Variants in TENM2 observed in about 807,000 individuals in gnomAD.
The protein encoded by TENM2 is teneurin-2.
TENM2 carries 52 observed loss-of-function variants against 245.2 expected under a neutral mutation model. The ratio of observed to expected loss-of-function variants is 0.21; its 90% CI spans 0.17 to 0.27. The LOEUF (loss-of-function observed/expected upper bound fraction) is 0.27, where lower values mean the gene tolerates loss of function less well. Ranked by LOEUF, TENM2 falls within the 10% of genes least tolerant of loss-of-function variation. The pLI is 1.00. For synonymous variants in TENM2, 1,363 were observed against 1,438.9 expected (o/e 0.95, Z 1.19); for missense variants, 3,046 against 3,666.8 (o/e 0.83, Z 4.37).
At chr5:167,981,752 T>G (rs1479773423) in intron 4 of TENM2, among the ~76,000 whole-genome samples, 1 of 152,148 alleles carries the variant, frequency 6.6e-6, no homozygotes, top group Non-Finnish European at 1.5e-5. Flanking sequence ...GGACGGCAGA[T>G]CACCTGAGGT....
intron 2 of TENM2, among the ~76,000 whole-genome samples, chr5:167,751,319 G>T (rs1195588062): frequency 6.6e-6 from 1 of 152,160 alleles, no homozygotes; most frequent in Non-Finnish European, 1.5e-5. Context: ...CATTTTGCCT[G>T]CCATGTGAAT....
At chr5:168,007,268 A>C (rs1317192585) in intron 5 of TENM2, among the ~76,000 whole-genome samples, 1 of 152,050 alleles carries the variant, frequency 6.6e-6, no homozygotes, top group Non-Finnish European at 1.5e-5. Context: ...AGCTGGGATT[A>C]CAGGCGCCCG....
chr5:167,311,774 A>G (rs1756047456), intron 1 of TENM2, among the ~76,000 whole-genome samples: 1 of 152,250 alleles, frequency 6.6e-6, no homozygotes, highest in Non-Finnish European at 1.5e-5. Flanking sequence ...ATCTAAAATC[A>G]AAAATGCTTT....
At chr5:167,744,392 A>G (rs1761411757) in intron 2 of TENM2, among the ~76,000 whole-genome samples, 1 of 152,160 alleles carries the variant, frequency 6.6e-6, no homozygotes, top group Admixed American at 6.6e-5. Context: ...CCTGTTGTGA[A>G]AAGAATGAAG....
intron 2 of TENM2, among the ~76,000 whole-genome samples, chr5:167,647,078 G>A (rs1291883542): frequency 6.6e-6 from 1 of 152,144 alleles, no homozygotes; most frequent in African/African-American, 2.4e-5. Flanking sequence ...CCAAAGATGG[G>A]ACTTTAAATG....
intron 2 of TENM2, among the ~76,000 whole-genome samples, chr5:167,739,338 C>A (rs1761015302): frequency 6.6e-6 from 1 of 152,166 alleles, no homozygotes; most frequent in Non-Finnish European, 1.5e-5. Flanking sequence ...TGGAAATATT[C>A]CTTATGGCTT....
At chr5:167,375,409 T>C in exon 2 of TENM2, 1 of 1,551,640 alleles carries the variant, frequency 6.4e-7, no homozygotes, top group Non-Finnish European at 8.7e-7. Flanking sequence ...GCCTGTCCAG[T>C]CGTGAAAACT....
the TENM2 span, among the ~76,000 whole-genome samples, chr5:167,109,560 T>C: frequency 1.3e-4 from 20 of 152,250 alleles, no homozygotes; most frequent in Admixed American, 5.9e-4. Flanking sequence ...ATCCTAACAA[T>C]AAAAGTGAAT....
chr5:167,427,684 C>T (rs1192066265), intron 2 of TENM2, among the ~76,000 whole-genome samples: 21 of 47,182 alleles, frequency 4.5e-4, no homozygotes, highest in Admixed American at 1.5e-3. Flanking sequence ...GAAGGAAGGA[C>T]GGGAAGGAAG....
intron 9 of TENM2, among the ~76,000 whole-genome samples, chr5:168,115,021 C>T (rs867435217): frequency 1.3e-5 from 2 of 152,172 alleles, no homozygotes; most frequent in African/African-American, 2.4e-5. Flanking sequence ...CGGTCAGGCA[C>T]GGTGGCTCAC....
chr5:167,553,629 G>A (rs1291776130), intron 2 of TENM2, among the ~76,000 whole-genome samples: 2 of 152,158 alleles, frequency 1.3e-5, no homozygotes, highest in African/African-American at 4.8e-5. Flanking sequence ...GATTGGGGGC[G>A]GGGGTTGGAA....
At chr5:167,532,000 C>T (rs939136295) in intron 2 of TENM2, among the ~76,000 whole-genome samples, 1 of 152,078 alleles carries the variant, frequency 6.6e-6, no homozygotes, top group East Asian at 1.9e-4. Context: ...TTATTCAGTG[C>T]ATCTTTACTT....
intron 7 of TENM2, among the ~76,000 whole-genome samples, chr5:168,086,749 G>A (rs1463561185): frequency 1.3e-5 from 2 of 152,184 alleles, no homozygotes; most frequent in African/African-American, 2.4e-5. Context: ...CCCATGTCCC[G>A]AATTGATCAC....
chr5:167,054,543 T>C, the TENM2 span, among the ~76,000 whole-genome samples: 1 of 152,152 alleles, frequency 6.6e-6, no homozygotes, highest in African/African-American at 2.4e-5. Flanking sequence ...GTTGAATAAG[T>C]ACCAAGGAGT....
At chr5:168,103,327 C>A (rs1034365864) in intron 9 of TENM2, among the ~76,000 whole-genome samples, 1 of 152,198 alleles carries the variant, frequency 6.6e-6, no homozygotes, top group Non-Finnish European at 1.5e-5. Flanking sequence ...ATTTCCGTAA[C>A]TCAAAGATCA....
At position 167,807,888 on chromosome 5, in the gene TENM2, T is replaced by C. The variant is rs376414515; in HGVS notation, c.503-68098T>C. Reference sequence around the variant, plus strand: ...CACACCCGTACCAGTGAAATCAGAATGTGTAGGAATGGGATCCAGGCAACT... The same window carrying C: ...CACACCCGTACCAGTGAAATCAGAACGTGTAGGAATGGGATCCAGGCAACT... On this transcript the variant is annotated intron_variant, in intron 2 of 28. Transcript: ENST00000518659. Among the ~76,000 whole-genome samples, 26 of 152,302 alleles carry C rather than the reference T, an allele frequency of 1.7e-4. No homozygotes were observed. The South Asian group carries it at 3.9e-3, about 23-fold the overall frequency.
intron 4 of TENM2, among the ~76,000 whole-genome samples, chr5:167,981,529 G>C (rs1207830535): frequency 3.9e-5 from 6 of 152,204 alleles, no homozygotes; most frequent in Non-Finnish European, 8.8e-5. Context: ...TCAAGGCAGA[G>C]GTATAAGAAG....
chr5:167,141,002 T>C, the TENM2 span, among the ~76,000 whole-genome samples: 2 of 152,192 alleles, frequency 1.3e-5, no homozygotes, highest in Non-Finnish European at 2.9e-5. Flanking sequence ...AAACCTTGCG[T>C]ATTTACGTGG....
the TENM2 span, among the ~76,000 whole-genome samples, chr5:167,069,552 A>G: frequency 0.074 from 11,235 of 152,274 alleles, 668 homozygotes; most frequent in South Asian, 0.19. Context: ...ACTGGCATCA[A>G]TAATCTAGAA....
Sources: gnomAD v4.1 joint callset for allele counts (sites outside exome capture counted in the v4.1 genomes callset) on GRCh38, gnomAD v4.1.1 for gene constraint, MANE v1.5 for transcripts, NCBI Gene and HGNC (gene_info 2026-07-23, HGNC 2026-07-21) for gene names.